REC114: variants seen among roughly 807,000 people sequenced by gnomAD.
REC114 encodes the protein REC114 meiotic recombination protein.
In REC114, 27 loss-of-function variants were observed where a neutral mutation model predicts 31.3. The ratio of observed to expected loss-of-function variants is 0.86; its 90% CI spans 0.64 to 1.19. The LOEUF is 1.19. REC114 is among the 50% of genes most tolerant of loss of function. The pLI is 0.00. For synonymous variants in REC114, 134 were observed against 127.7 expected, an observed-to-expected ratio of 1.05 and a Z score of -0.33; for missense variants, 344 against 326.9, an observed-to-expected ratio of 1.05 and a Z score of -0.40.
chr15:73,553,935 C>T (rs1372964372), intron 4 of REC114, among the ~76,000 whole-genome samples: 1 of 152,122 alleles, frequency 6.6e-6, no homozygotes, highest in African/African-American at 2.4e-5. Flanking sequence ...TGTGTGATCT[C>T]ACGGAAGCCA....
chr15:73,494,416 T>TG lies in REC114; in HGVS notation c.249+20498dup, dbSNP rs527711098. 4.7e-5 allele frequency among the ~76,000 whole-genome samples: 7 copies of TG among 148,812 alleles called. No homozygotes were observed. The South Asian group carries it at 1.5e-3, about 32-fold the overall frequency. On this transcript the variant is annotated intron_variant, in intron 2 of 5. Coordinates refer to ENST00000331090, the MANE Select transcript of REC114 (RefSeq NM_001042367.2). ...CTGAGGCAGGAGAATCATTTGAACCTGGGAGGTGGAGGTTGCAGTGAGCCT... is the reference window on the plus strand; with the variant it reads ...CTGAGGCAGGAGAATCATTTGAACCTGGGGAGGTGGAGGTTGCAGTGAGCCT...
At chr15:73,540,125 A>G (rs1894218480) in intron 2 of REC114, among the ~76,000 whole-genome samples, 2 of 152,234 alleles carry the variant, frequency 1.3e-5, no homozygotes, top group South Asian at 4.1e-4. Context: ...ATAAATCAGT[A>G]TAATGGAACC....
chr15:73,516,760 T>C (rs1893862944), intron 2 of REC114, among the ~76,000 whole-genome samples: 1 of 152,164 alleles, frequency 6.6e-6, no homozygotes, highest in African/African-American at 2.4e-5. Flanking sequence ...CCCGAGTAGC[T>C]GAGATTACAG....
chr15:73,544,936 C>T (rs764784323), intron 3 of REC114, among the ~76,000 whole-genome samples: 2 of 152,180 alleles, frequency 1.3e-5, no homozygotes, highest in Non-Finnish European at 2.9e-5. Flanking sequence ...CCTCTAGTGT[C>T]TCCTTGGCTC....
At chr15:73,540,428 A>T (rs536846719) in intron 2 of REC114, 57 bp from the exon 3 acceptor site, 3 of 1,152,306 alleles carry the variant, frequency 2.6e-6, no homozygotes, top group East Asian at 2.3e-5. Flanking sequence ...AGCTGCAGCC[A>T]TAGCTATTCT....
At chr15:73,451,732 C>T (rs1295015183) in intron 1 of REC114, among the ~76,000 whole-genome samples, 6 of 152,188 alleles carry the variant, frequency 3.9e-5, no homozygotes. Context: ...CGAAAATCCT[C>T]CATAAAATGC....
At chr15:73,554,718 C>A (rs1240415994) in intron 4 of REC114, among the ~76,000 whole-genome samples, 3 of 152,214 alleles carry the variant, frequency 2.0e-5, no homozygotes, top group African/African-American at 7.2e-5. Context: ...ACTGTGTGCA[C>A]AGACTCTTCC....
At chr15:73,483,004 T>C (rs915083484) in intron 2 of REC114, among the ~76,000 whole-genome samples, 1 of 152,050 alleles carries the variant, frequency 6.6e-6, no homozygotes, top group African/African-American at 2.4e-5. Flanking sequence ...TCCTTGCCAA[T>C]GCTTATTATT....
At chr15:73,456,746 C>T (rs1407554893) in intron 1 of REC114, among the ~76,000 whole-genome samples, 3 of 152,076 alleles carry the variant, frequency 2.0e-5, no homozygotes, top group Non-Finnish European at 2.9e-5. Context: ...CCCAGGAACA[C>T]AAAGATAAGT....
intron 2 of REC114, among the ~76,000 whole-genome samples, chr15:73,507,553 A>G (rs1893697987): frequency 6.6e-6 from 1 of 152,172 alleles, no homozygotes; most frequent in Admixed American, 6.5e-5. Flanking sequence ...GAGGACAGAA[A>G]TGAGAAGAGG....
Position 73,482,441 on chromosome 15 carries a change from C to T in REC114, c.249+8520C>T, listed in dbSNP as rs532107821. Among the ~76,000 whole-genome samples, 3 of 152,312 alleles carry T rather than the reference C, an allele frequency of 2.0e-5. No individual in the cohort carries two copies. In the South Asian group the frequency reaches 6.2e-4, roughly 32 times the overall value. ...CTGCCATGATTGGGAGCTTCCGAGGCCTCACCAGAAGCTGAGTAGATGGTG... is the reference window on the plus strand; with the variant it reads ...CTGCCATGATTGGGAGCTTCCGAGGTCTCACCAGAAGCTGAGTAGATGGTG... On this transcript the variant is annotated intron_variant, in intron 2 of 5. Coordinates refer to ENST00000331090, the MANE Select transcript of REC114 (RefSeq NM_001042367.2).
intron 2 of REC114, among the ~76,000 whole-genome samples, chr15:73,509,795 A>G (rs1439436867): frequency 6.6e-6 from 1 of 151,570 alleles, no homozygotes; most frequent in African/African-American, 2.4e-5. Context: ...TGTTCCATTG[A>G]TCTATATCTC....
chr15:73,484,568 T>TA (rs1452985058), intron 2 of REC114, among the ~76,000 whole-genome samples: 1 of 152,206 alleles, frequency 6.6e-6, no homozygotes. Flanking sequence ...TGTAAACCTC[T>TA]AAAGATCTAC....
At chr15:73,471,875 T>A (rs754701613) in intron 1 of REC114, among the ~76,000 whole-genome samples, 1 of 152,140 alleles carries the variant, frequency 6.6e-6, no homozygotes, top group Admixed American at 6.5e-5. Context: ...TGGAGCCAAA[T>A]GTCAAATAAT....
intron 2 of REC114, among the ~76,000 whole-genome samples, chr15:73,476,779 A>C (rs942271659): frequency 6.6e-6 from 1 of 152,138 alleles, no homozygotes; most frequent in Admixed American, 6.6e-5. Context: ...TATCCATTCA[A>C]CTTTTGATAG....
intron 2 of REC114, among the ~76,000 whole-genome samples, chr15:73,532,366 T>C (rs1489129344): frequency 5.4e-5 from 8 of 147,956 alleles, no homozygotes; most frequent in South Asian, 2.2e-4. Flanking sequence ...TGCCACATTT[T>C]CTTAATCCAA....
chr15:73,462,948 C>T (rs529019456), intron 1 of REC114, among the ~76,000 whole-genome samples: 2 of 151,144 alleles, frequency 1.3e-5, no homozygotes, highest in Non-Finnish European at 2.9e-5. Flanking sequence ...ACACCCTATC[C>T]ACTTCCTTCT....
chr15:73,481,981 A>G (rs1893301439), intron 2 of REC114, among the ~76,000 whole-genome samples: 2 of 152,078 alleles, frequency 1.3e-5, no homozygotes, highest in African/African-American at 4.8e-5. Flanking sequence ...TTTTAAGTGT[A>G]CATGTCATTG....
intron 2 of REC114, among the ~76,000 whole-genome samples, chr15:73,517,280 G>A (rs1349885877): frequency 6.6e-6 from 1 of 152,174 alleles, no homozygotes; most frequent in African/African-American, 2.4e-5. Context: ...GAGTGACAGA[G>A]TCAGTTACGT....
Sources: allele counts gnomAD v4.1 joint callset (sites outside exome capture counted in the v4.1 genomes callset), GRCh38; gene constraint gnomAD v4.1.1; transcripts MANE v1.5; gene names NCBI Gene and HGNC (gene_info 2026-07-23, HGNC 2026-07-21).